Variants in WWOX observed in about 807,000 individuals in gnomAD.
WWOX encodes the protein WW domain containing oxidoreductase, also known as WW domain-containing oxidoreductase.
Under a neutral mutation model 46.2 loss-of-function variants are expected in WWOX, and 69 were observed. That is an observed-to-expected ratio of 1.49 (90% CI 1.23 to 1.82). The LOEUF (loss-of-function observed/expected upper bound fraction) is 1.82. Ranked by LOEUF, WWOX falls within the 40% of genes most tolerant of loss-of-function variation. The pLI is 0.00. For missense variants in WWOX, 919 were observed against 542.6 expected (o/e 1.69, Z -6.89); for synonymous variants, 359 against 202.6 (o/e 1.77, Z -6.56).
chr16:78,112,695 TTTTC>T (rs1279874105), intron 3 of WWOX, among the ~76,000 whole-genome samples: 1 of 149,456 alleles, frequency 6.7e-6, no homozygotes, highest in Non-Finnish European at 1.5e-5. Context: ...TTTTTCCAAG[TTTTC>T]TTTCTTTTTT....
intron 8 of WWOX, among the ~76,000 whole-genome samples, chr16:78,455,616 C>T (rs1243632772): frequency 3.5e-5 from 4 of 112,900 alleles, no homozygotes; most frequent in Non-Finnish European, 3.1e-5. Context: ...GCACTCCAGC[C>T]TGGGTTAACA....
chr16:78,424,895 G>A lies in WWOX; in HGVS notation c.631G>A (p.Ala211Thr), dbSNP rs370737224. Residue 211 changes from alanine to threonine, a missense_variant, in exon 7 of 9, where the codon GCA (alanine) becomes ACA (threonine). Ala to Thr is a moderately conservative substitution (Grantham distance 58, BLOSUM62 0). Coordinates refer to ENST00000566780, the MANE Select transcript of WWOX (RefSeq NM_016373.4). ...GCCTCTTCATGTGCTTGTGTGCAACGCAGCAACTTTTGCTCTACCCTGGAG... is the reference window on the plus strand; with the variant it reads ...GCCTCTTCATGTGCTTGTGTGCAACACAGCAACTTTTGCTCTACCCTGGAG... The part of the protein sequence containing the change: ...NVPLHVLVCN[A>T]ATFALPWSLT... 8.1e-6 allele frequency: 13 copies of A among 1,613,932 alleles called. No individual in the cohort carries two copies. Among genetic ancestry groups the A allele is most frequent in the Admixed American group, 1.7e-5 (1 of 59,984 alleles).
intron 8 of WWOX, among the ~76,000 whole-genome samples, chr16:78,584,795 T>C (rs1241514339): frequency 6.6e-6 from 1 of 152,236 alleles, no homozygotes; most frequent in African/African-American, 2.4e-5. Context: ...TCTGGTGATG[T>C]GATCACTTGG....
chr16:78,183,651 C>T (rs572894842), intron 5 of WWOX, among the ~76,000 whole-genome samples: 3 of 152,266 alleles, frequency 2.0e-5, no homozygotes, highest in Non-Finnish European at 4.4e-5. Flanking sequence ...GTAACACCTG[C>T]CAAGTACCAC....
intron 8 of WWOX, among the ~76,000 whole-genome samples, chr16:79,082,237 C>G (rs1047671893): frequency 7.9e-5 from 12 of 152,166 alleles, no homozygotes; most frequent in Admixed American, 5.2e-4. Flanking sequence ...TATATGTCGC[C>G]TTGGGAAACA....
At chr16:79,038,664 C>T (rs762095844) in intron 8 of WWOX, among the ~76,000 whole-genome samples, 1 of 152,126 alleles carries the variant, frequency 6.6e-6, no homozygotes, top group African/African-American at 2.4e-5. Context: ...ATTTTCCTGC[C>T]TCAGGCTCCC....
At chr16:78,723,890 A>C (rs1314071055) in intron 8 of WWOX, among the ~76,000 whole-genome samples, 1 of 152,146 alleles carries the variant, frequency 6.6e-6, no homozygotes, top group Non-Finnish European at 1.5e-5. Context: ...ATTTGTTTAT[A>C]GCCCCAAAGA....
At chr16:78,158,524 T>A (rs895859305) in intron 4 of WWOX, among the ~76,000 whole-genome samples, 2 of 152,006 alleles carry the variant, frequency 1.3e-5, no homozygotes, top group Non-Finnish European at 2.9e-5. Context: ...AAATATAGAT[T>A]CATATTTTTT....
At chr16:78,809,137 C>T (rs950232806) in intron 8 of WWOX, among the ~76,000 whole-genome samples, 7 of 151,912 alleles carry the variant, frequency 4.6e-5, no homozygotes, top group African/African-American at 1.7e-4. Context: ...TCCCCCTGCA[C>T]CCTTCTCAGA....
At chr16:78,676,475 C>G (rs942301421) in intron 8 of WWOX, among the ~76,000 whole-genome samples, 1 of 151,828 alleles carries the variant, frequency 6.6e-6, no homozygotes, top group Non-Finnish European at 1.5e-5. Flanking sequence ...AAGCTCCCCA[C>G]CCCCACCTTT....
rs149567994 is a variant in WWOX, at chr16:78,968,966, C to G, written c.1057-242642C>G. Among the ~76,000 whole-genome samples, 1,117 of 151,770 alleles carry G rather than the reference C, an allele frequency of 7.4e-3. 6 individuals carry two copies. Among genetic ancestry groups the G allele is most frequent in the Middle Eastern group, 0.014 (4 of 292 alleles). ...AAATAGCACAGCTTTTTTCCACTTT[C>G]AAATGTATAACAAAATAGAACTTTA... On this transcript the variant is annotated intron_variant, in intron 8 of 8. Coordinates refer to ENST00000566780, the MANE Select transcript of WWOX (RefSeq NM_016373.4).
intron 8 of WWOX, among the ~76,000 whole-genome samples, chr16:78,965,261 A>G (rs1480948470): frequency 6.6e-6 from 1 of 152,208 alleles, no homozygotes; most frequent in African/African-American, 2.4e-5. Flanking sequence ...TGGTTGAACA[A>G]GATGTTTAAA....
At chr16:78,658,451 A>G (rs2047131053) in intron 8 of WWOX, among the ~76,000 whole-genome samples, 1 of 152,132 alleles carries the variant, frequency 6.6e-6, no homozygotes, top group Admixed American at 6.5e-5. Flanking sequence ...CGTGCCATAG[A>G]CTAGATAGCT....
intron 7 of WWOX, among the ~76,000 whole-genome samples, chr16:78,425,384 C>T (rs767028732): frequency 1.3e-4 from 20 of 152,122 alleles, no homozygotes; most frequent in Non-Finnish European, 2.8e-4. Context: ...CAACATCTTA[C>T]CAAGAAGAAT....
intron 4 of WWOX, among the ~76,000 whole-genome samples, chr16:78,145,031 G>A (rs1423125681): frequency 6.6e-6 from 1 of 152,106 alleles, no homozygotes; most frequent in East Asian, 1.9e-4. Context: ...TAGAGCTGCT[G>A]TAACAAAGCA....
chr16:78,758,028 T>A (rs973932751), intron 8 of WWOX, among the ~76,000 whole-genome samples: 14 of 152,272 alleles, frequency 9.2e-5, no homozygotes, highest in South Asian at 6.2e-4. Context: ...TCTGTCAATC[T>A]TTCCCCACCT....
intron 8 of WWOX, among the ~76,000 whole-genome samples, chr16:78,682,409 T>G (rs375642660): frequency 6.6e-6 from 1 of 152,158 alleles, no homozygotes; most frequent in African/African-American, 2.4e-5. Flanking sequence ...TTGGCACCAG[T>G]CTTCAATGAA....
rs112166008 is a variant in WWOX, at chr16:78,913,377, G to A, written c.1057-298231G>A. Among the ~76,000 whole-genome samples, 1,065 of 152,034 alleles carry A rather than the reference G, an allele frequency of 7.0e-3. 13 individuals carry two copies. The highest frequency in any genetic ancestry group is 0.024 in the African/African-American group (1,004 of 41,542). ...GTGCCTGAGTCTTGGCCAATGGACT[G>A]TTGGAAGACGAGACGTTGGCCCCTT... On this transcript the variant is annotated intron_variant, in intron 8 of 8. Transcript: ENST00000566780.
intron 5 of WWOX, among the ~76,000 whole-genome samples, chr16:78,356,236 C>T (rs993241639): frequency 2.6e-5 from 4 of 151,858 alleles, no homozygotes; most frequent in African/African-American, 7.3e-5. Context: ...GAATCATATA[C>T]ACATATATAA....
Sources: allele counts gnomAD v4.1 joint callset (sites outside exome capture counted in the v4.1 genomes callset), GRCh38; gene constraint gnomAD v4.1.1; transcripts MANE v1.5; gene names NCBI Gene and HGNC (gene_info 2026-07-23, HGNC 2026-07-21).